The following ADK variants were observed in gnomAD, a reference collection of about 807,000 sequenced individuals.
The protein encoded by ADK is adenosine kinase.
A neutral mutation model predicts 44.7 loss-of-function variants in ADK; 24 were observed. That is an observed-to-expected ratio of 0.54 (90% CI 0.39 to 0.76). ADK has a LOEUF of 0.76. Ranked by LOEUF, ADK falls within the 30% of genes least tolerant of loss-of-function variation. ADK has a pLI of 0.00. For synonymous variants in ADK, 128 were observed against 142.6 expected, an observed-to-expected ratio of 0.90 and a Z score of 0.73; for missense variants, 321 against 425.1, an observed-to-expected ratio of 0.76 and a Z score of 2.15.
intron 2 of ADK, among the ~76,000 whole-genome samples, chr10:74,216,933 G>T (rs968659730): frequency 6.6e-6 from 1 of 152,162 alleles, no homozygotes; most frequent in Non-Finnish European, 1.5e-5. Flanking sequence ...AGCTCCCAGC[G>T]TGAGCGATGC....
intron 3 of ADK, among the ~76,000 whole-genome samples, chr10:74,300,252 C>CTA (rs1839962712): frequency 6.9e-6 from 1 of 145,050 alleles, no homozygotes; most frequent in Non-Finnish European, 1.5e-5. Context: ...CTCTCTCTCT[C>CTA]TCCTTGTTTC....
At chr10:74,580,226 TC>T (rs1851327965) in intron 7 of ADK, among the ~76,000 whole-genome samples, 1 of 152,168 alleles carries the variant, frequency 6.6e-6, no homozygotes, top group Non-Finnish European at 1.5e-5. Context: ...AGCAAGTCTT[TC>T]CCATCCTATT....
At chr10:74,312,152 G>A (rs1364166369) in intron 3 of ADK, among the ~76,000 whole-genome samples, 2 of 152,036 alleles carry the variant, frequency 1.3e-5, no homozygotes, top group Admixed American at 6.6e-5. Flanking sequence ...GCAACAGAGC[G>A]AGATTCTGTC....
intron 4 of ADK, among the ~76,000 whole-genome samples, chr10:74,316,154 C>A (rs367798718): frequency 6.6e-6 from 1 of 151,576 alleles, no homozygotes; most frequent in Non-Finnish European, 1.5e-5. Flanking sequence ...GCCAGAGAAT[C>A]GGTTGAACCT....
intron 4 of ADK, among the ~76,000 whole-genome samples, chr10:74,349,900 C>T (rs1841908836): frequency 6.6e-6 from 1 of 152,142 alleles, no homozygotes; most frequent in Admixed American, 6.5e-5. Flanking sequence ...CAGGAGCACC[C>T]AGATTCATAA....
At chr10:74,458,294 G>GTTTT (rs1264523250) in intron 6 of ADK, among the ~76,000 whole-genome samples, 1 of 104,094 alleles carries the variant, frequency 9.6e-6, no homozygotes, top group Non-Finnish European at 2.0e-5. Context: ...CCACTCCCAG[G>GTTTT]TTTTGTTTTT....
chr10:74,432,699 G>A (rs557066710), intron 6 of ADK, among the ~76,000 whole-genome samples: 2 of 152,158 alleles, frequency 1.3e-5, no homozygotes, highest in East Asian at 3.9e-4. Context: ...GTGTATACAT[G>A]TATTTGCTTT....
chr10:74,429,946 C>T (rs1169112468), intron 6 of ADK, among the ~76,000 whole-genome samples: 1 of 152,168 alleles, frequency 6.6e-6, no homozygotes, highest in Non-Finnish European at 1.5e-5. Context: ...ATGATACTTA[C>T]TCTGGGCCAC....
chr10:74,238,422 G>C (rs1298247916), intron 3 of ADK, among the ~76,000 whole-genome samples: 4 of 152,098 alleles, frequency 2.6e-5, no homozygotes, highest in African/African-American at 9.7e-5. Context: ...GATTTCCTGG[G>C]AACACAGGAA....
At chr10:74,599,909 A>G (rs1852056145) in intron 8 of ADK, among the ~76,000 whole-genome samples, 1 of 152,168 alleles carries the variant, frequency 6.6e-6, no homozygotes, top group Admixed American at 6.5e-5. Context: ...GTAAACCTCT[A>G]AAATAATTAA....
chr10:74,422,740 A>G (rs1160183461), intron 6 of ADK, among the ~76,000 whole-genome samples: 1 of 152,188 alleles, frequency 6.6e-6, no homozygotes, highest in Admixed American at 6.5e-5. Flanking sequence ...AGTCAGTTCC[A>G]TCCCTTCCCA....
intron 7 of ADK, among the ~76,000 whole-genome samples, chr10:74,547,670 G>T: frequency 6.7e-6 from 1 of 149,018 alleles, no homozygotes. Context: ...GTTTTGTTTT[G>T]TTTTGAGACA....
intron 3 of ADK, among the ~76,000 whole-genome samples, chr10:74,258,930 T>A (rs1006792749): frequency 6.7e-6 from 1 of 149,072 alleles, no homozygotes; most frequent in African/African-American, 2.5e-5. Flanking sequence ...TTTTTTGTTG[T>A]TGTTGTTTGT....
At chr10:74,224,649 T>C (rs1844460947) in intron 3 of ADK, 58 bp downstream of exon 3, 1 of 1,356,416 alleles carries the variant, frequency 7.4e-7, no homozygotes, top group Non-Finnish European at 1.1e-6. Context: ...ACTTGATATA[T>C]GTATATGTAA....
chr10:74,398,107 C>T (rs1238329208), intron 5 of ADK, among the ~76,000 whole-genome samples: 1 of 152,018 alleles, frequency 6.6e-6, no homozygotes, highest in Non-Finnish European at 1.5e-5. Context: ...TATTTTTCTA[C>T]TTAAAAAATG....
intron 6 of ADK, among the ~76,000 whole-genome samples, chr10:74,494,062 A>C (rs1438441886): frequency 6.6e-6 from 1 of 152,222 alleles, no homozygotes; most frequent in Non-Finnish European, 1.5e-5. Context: ...ATGATGAAAT[A>C]GAATTATTTA....
At chr10:74,292,045 C>T (rs1847460161) in intron 3 of ADK, among the ~76,000 whole-genome samples, 1 of 151,962 alleles carries the variant, frequency 6.6e-6, no homozygotes, top group Non-Finnish European at 1.5e-5. Context: ...AATCATGAGC[C>T]CGTGGGATTG....
chr10:74,603,841 G>A (rs1453842661), intron 9 of ADK, among the ~76,000 whole-genome samples: 2 of 152,142 alleles, frequency 1.3e-5, no homozygotes, highest in East Asian at 1.9e-4. Flanking sequence ...TTCCACAATG[G>A]TTGAACTAAT....
intron 1 of ADK, among the ~76,000 whole-genome samples, chr10:74,164,232 G>A (rs146106976): frequency 6.6e-6 from 1 of 152,266 alleles, no homozygotes; most frequent in African/African-American, 2.4e-5. Context: ...AGTATAAAAT[G>A]TTTATTAAAA....
Sources: allele counts gnomAD v4.1 joint callset (sites outside exome capture counted in the v4.1 genomes callset), GRCh38; gene constraint gnomAD v4.1.1; transcripts MANE v1.5; gene names NCBI Gene and HGNC (gene_info 2026-07-23, HGNC 2026-07-21).